MANSC1: variants seen among roughly 807,000 people sequenced by gnomAD.
MANSC1 encodes the protein MANSC domain-containing protein 1.
MANSC1 carries 13 observed loss-of-function variants against 14.1 expected under a neutral mutation model. That is an observed-to-expected ratio of 0.92 (90% confidence interval 0.60 to 1.46). The LOEUF (loss-of-function observed/expected upper bound fraction) is 1.46, where lower values mean the gene tolerates loss of function less well. MANSC1 is among the 40% of genes most tolerant of loss of function. The pLI is 0.00. For synonymous variants in MANSC1, 227 were observed against 200.7 expected (o/e 1.13, Z -1.11); for missense variants, 486 against 511.4 (o/e 0.95, Z 0.48).
At chr12:12,331,585 A>C (rs1592029109) in intron 3 of MANSC1, among the ~76,000 whole-genome samples, 1 of 152,182 alleles carries the variant, frequency 6.6e-6, no homozygotes, top group African/African-American at 2.4e-5. Context: ...AATGGGGAGC[A>C]AGTAATCATC....
At position 12,342,576 on chromosome 12, in the gene MANSC1, G is replaced by GTT. The variant is rs869141097; in HGVS notation, c.223+514_223+515dup. Among the ~76,000 whole-genome samples the GTT allele has an allele frequency of 4.1e-4, 43 of 103,990 alleles. 4 individuals are homozygous for GTT. The highest frequency in any genetic ancestry group is 7.9e-4 in the African/African-American group (22 of 28,022). The allele number at this position is 103,990 out of a possible 152,430, so 68.2% of individuals were successfully genotyped here. On this transcript the variant is annotated intron_variant, in intron 2 of 3. Coordinates refer to ENST00000535902, the MANE Select transcript of MANSC1 (RefSeq NM_018050.4). Reference sequence around the variant, plus strand: ...AAGCTGTAGTTACCTAGTAGTCAGTGTTTTTTTGTTTTTTTTTTTTTTTTT... The same window carrying GTT: ...AAGCTGTAGTTACCTAGTAGTCAGTGTTTTTTTTTGTTTTTTTTTTTTTTTTT...
intron 1 of MANSC1, among the ~76,000 whole-genome samples, chr12:12,346,989 AT>A (rs1863017429): frequency 6.6e-6 from 1 of 151,550 alleles, no homozygotes; most frequent in Admixed American, 6.6e-5. Flanking sequence ...TGGAGGAAAT[AT>A]TTGTGAAACA....
At position 12,337,518 on chromosome 12, in the gene MANSC1, A is replaced by G. The variant is rs541200156; in HGVS notation, c.364+902T>C. On this transcript the variant is annotated intron_variant, in intron 3 of 3. Coordinates refer to ENST00000535902, the MANE Select transcript of MANSC1 (RefSeq NM_018050.4). ...GGAGCTTGCAGTGAGCCGAGATCGC[A>G]CCACTGCACTCCATCCTGGGCAACA... 2.0e-4 allele frequency among the ~76,000 whole-genome samples: 30 copies of G among 152,226 alleles called. No individual in the cohort carries two copies. The East Asian group carries it at 5.8e-3, about 29-fold the overall frequency.
At chr12:12,334,694 A>G (rs762449227) in intron 3 of MANSC1, among the ~76,000 whole-genome samples, 41 of 152,208 alleles carry the variant, frequency 2.7e-4, no homozygotes, top group Non-Finnish European at 5.1e-4. Flanking sequence ...TTGGCAAGGA[A>G]CTTCATCCCA....
chr12:12,337,232 G>A (rs375457206), intron 3 of MANSC1, among the ~76,000 whole-genome samples: 29 of 151,910 alleles, frequency 1.9e-4, no homozygotes, highest in Middle Eastern at 3.4e-3. Flanking sequence ...AGCTGAGATC[G>A]CACCACTGCA....
At chr12:12,338,821 A>G (rs964892355) in intron 2 of MANSC1, 13 of 516,852 alleles carry the variant, frequency 2.5e-5, no homozygotes, top group African/African-American at 2.2e-4. Context: ...TCCTAAAGTC[A>G]AAGCCAAAGC....
chr12:12,337,466 C>T (rs12580693), intron 3 of MANSC1, among the ~76,000 whole-genome samples: 10,443 of 151,840 alleles, frequency 0.069, 865 homozygotes, highest in East Asian at 0.32. Flanking sequence ...GAGGCTGAGG[C>T]GGGAGAATGG....
intron 2 of MANSC1, among the ~76,000 whole-genome samples, chr12:12,342,499 T>C (rs960492069): frequency 2.0e-5 from 3 of 151,296 alleles, no homozygotes; most frequent in African/African-American, 7.3e-5. Flanking sequence ...TTTCCTCCTG[T>C]GTCATGAAAA....
Position 12,346,133 on chromosome 12 carries a change from C to T in MANSC1, c.-100-2719G>A, listed in dbSNP as rs1309304202. On this transcript the variant is annotated intron_variant, in intron 1 of 3. Transcript: ENST00000535902. ...CTAAAAATACAAAAAGTTAGCTGGG[C>T]GTGGTGGCGGCCGCCTGTAGTCCCA... 3.9e-5 allele frequency among the ~76,000 whole-genome samples: 6 copies of T among 152,076 alleles called. No homozygotes were observed. In the South Asian group the frequency reaches 6.2e-4, roughly 16 times the overall value.
rs1412599806 is a variant in MANSC1 at position 12,326,698 on chromosome 12, T to A, written c.*3329A>T. The A allele has an allele frequency of 6.6e-6, 1 of 151,332 alleles. No homozygotes were observed. The highest frequency in any genetic ancestry group is 2.4e-5 in the African/African-American group (1 of 41,214). The allele number at this position is 151,332 out of a possible 1,614,324, so 9.4% of individuals were successfully genotyped here. On this transcript the variant is annotated 3_prime_UTR_variant, in exon 4 of 4. Transcript: ENST00000535902. ...GTGCAGTGGCGTGATCATGGCTCAC[T>A]GCAGCCTCGACCTCCTGGGCTCAAG...
intron 3 of MANSC1, among the ~76,000 whole-genome samples, chr12:12,335,154 C>T (rs973335880): frequency 6.6e-6 from 1 of 152,218 alleles, no homozygotes; most frequent in Middle Eastern, 3.4e-3. Context: ...ACACCACCAG[C>T]AAGTCCTGTC....
chr12:12,343,737 A>G (rs1453403710), intron 1 of MANSC1, among the ~76,000 whole-genome samples: 1 of 152,230 alleles, frequency 6.6e-6, no homozygotes, highest in African/African-American at 2.4e-5. Flanking sequence ...GAGAGGGCAC[A>G]CATTTCTAGT....
In MANSC1 at chr12:12,328,177, C is replaced by G. The variant is rs1253623110; in HGVS notation, c.*1850G>C. The G allele has an allele frequency of 6.6e-6, 1 of 152,146 alleles. No individual in the cohort carries two copies. The highest frequency in any genetic ancestry group is 1.5e-5 in the Non-Finnish European group (1 of 68,022). The allele number at this position is 152,146 out of a possible 1,614,324, so 9.4% of individuals were successfully genotyped here. ...CTTTGTTACCTCACCTATAACTTGT[C>G]TGGAAAACTTTATTAAAAGCCTTTC... On this transcript the variant is annotated 3_prime_UTR_variant, in exon 4 of 4. Transcript: ENST00000535902.
rs1303210275 is a variant in MANSC1 at position 12,330,272 on chromosome 12, T to C, written c.1051A>G (p.Met351Val). 3 of 1,614,114 alleles carry C rather than the reference T, an allele frequency of 1.9e-6. No homozygotes were observed. The highest frequency in any genetic ancestry group is 2.5e-6 in the Non-Finnish European group (3 of 1,180,046). Residue 351 changes from methionine to valine, a missense_variant, in exon 4 of 4, where the codon ATG becomes GTG. Coordinates refer to ENST00000535902, the MANE Select transcript of MANSC1 (RefSeq NM_018050.4). Reference sequence around the variant, plus strand: ...CCTTCCCAGGAAGCAGTTTTATTCATAGTGGAAGACTCCACATTTGACATA... The same window carrying C: ...CCTTCCCAGGAAGCAGTTTTATTCACAGTGGAAGACTCCACATTTGACATA... ...LSMSNVESST[M>V]NKTASWEGRE...
intron 3 of MANSC1, among the ~76,000 whole-genome samples, chr12:12,332,287 A>G (rs561112350): frequency 2.6e-5 from 4 of 152,086 alleles, no homozygotes; most frequent in Non-Finnish European, 5.9e-5. Flanking sequence ...CCAGTTTCCA[A>G]ACTGGTCCTC....
At chr12:12,333,170 T>C (rs1471974855) in intron 3 of MANSC1, among the ~76,000 whole-genome samples, 3 of 151,922 alleles carry the variant, frequency 2.0e-5, no homozygotes, top group African/African-American at 7.3e-5. Context: ...CCTCAGCCTC[T>C]TGAGCAGCTG....
rs780427365 is a variant in MANSC1, at chr12:12,326,801, T to TTTTTA, written c.*3221_*3225dup. 2.0e-5 allele frequency: 3 copies of TTTTTA among 151,712 alleles called. No individual in the cohort carries two copies. Among genetic ancestry groups the TTTTTA allele is most frequent in the Non-Finnish European group, 4.4e-5 (3 of 67,958 alleles). The allele number at this position is 151,712 out of a possible 1,614,324, so 9.4% of individuals were successfully genotyped here. On this transcript the variant is annotated 3_prime_UTR_variant, in exon 4 of 4. Transcript: ENST00000535902. Reference sequence around the variant, plus strand: ...TATGTGCCTGGCTAAGAGTAGCTTATTTTTATTTTATTTTATTTTATTTTT... The same window carrying TTTTTA: ...TATGTGCCTGGCTAAGAGTAGCTTATTTTTATTTTATTTTATTTTATTTTATTTTT...
Position 12,330,749 on chromosome 12 carries a change from T to G in MANSC1, c.574A>C (p.Ser192Arg). The G allele has an allele frequency of 6.2e-7, 1 of 1,614,218 alleles. No individual in the cohort carries two copies. Among genetic ancestry groups the G allele is most frequent in the African/African-American group, 1.3e-5 (1 of 75,064 alleles). Reference protein sequence around the residue: ...LEKLFKMDEASAQLLAYKEKG... With the variant: ...LEKLFKMDEARAQLLAYKEKG... ...TCCTTATAAGCAAGGAGCTGGGCAC[T>G]TGCTTCATCCATCTTAAATAGTTTC... is the stretch of plus-strand genomic sequence containing the variant. The change falls in exon 4 of 4, where the codon AGT becomes CGT. Residue 192 changes from serine to arginine, a missense_variant. Physicochemically the swap from Ser to Arg is moderately radical, Grantham distance 110. Transcript: ENST00000535902.
chr12:12,326,365 G>T lies in MANSC1; in HGVS notation c.*3662C>A, dbSNP rs1031211717. On this transcript the variant is annotated 3_prime_UTR_variant, in exon 4 of 4. Coordinates refer to ENST00000535902, the MANE Select transcript of MANSC1 (RefSeq NM_018050.4). ...AATCTCTCCTAGAAGTCCCTAGTAG[G>T]TTTCCTTTCAGCTAAAACTTGGGTC... The T allele has an allele frequency of 1.3e-5, 2 of 152,154 alleles. No homozygotes were observed. The highest frequency in any genetic ancestry group is 2.9e-5 in the Non-Finnish European group (2 of 68,054). 9.4% of individuals were successfully genotyped at this position (152,154 alleles called of 1,614,324 possible).
Sources: allele counts gnomAD v4.1 joint callset (sites outside exome capture counted in the v4.1 genomes callset), GRCh38; gene constraint gnomAD v4.1.1; transcripts MANE v1.5; gene names NCBI Gene and HGNC (gene_info 2026-07-23, HGNC 2026-07-21).